FRAS1: variants seen among roughly 807,000 people sequenced by gnomAD.
FRAS1 encodes the protein Fraser extracellular matrix complex subunit 1, also known as extracellular matrix organizing protein FRAS1.
In FRAS1, 290 loss-of-function variants were observed where a neutral mutation model predicts 435.2. The observed-to-expected ratio is 0.67, with a 90% CI of 0.61 to 0.73. The LOEUF (loss-of-function observed/expected upper bound fraction) is 0.73, where lower values mean the gene tolerates loss of function less well. FRAS1 is among the 30% of genes least tolerant of loss of function. The probability of loss-of-function intolerance (pLI) is 0.00; values close to 1 mark genes in which losing one functional copy is unlikely to be tolerated. For synonymous variants in FRAS1, 1,800 were observed against 1,851.0 expected (o/e 0.97, Z 0.71); for missense variants, 4,860 against 5,001.5 (o/e 0.97, Z 0.85).
At chr4:78,112,846 C>CTT (rs888970913) in intron 2 of FRAS1, among the ~76,000 whole-genome samples, 4 of 151,090 alleles carry the variant, frequency 2.6e-5, no homozygotes, top group African/African-American at 9.7e-5. Flanking sequence ...TTTTATTATA[C>CTT]TTTAAGTTTT....
At chr4:78,438,495 A>C (rs1191790702) in intron 38 of FRAS1, 75 bp from the exon 39 acceptor site, 1 of 1,444,854 alleles carries the variant, frequency 6.9e-7, no homozygotes, top group South Asian at 1.2e-5. Context: ...AGAAGCACCC[A>C]TAGATCTTTA....
At chr4:78,307,321 G>T (rs1344500621) in intron 14 of FRAS1, among the ~76,000 whole-genome samples, 1 of 152,250 alleles carries the variant, frequency 6.6e-6, no homozygotes, top group Admixed American at 6.5e-5. Context: ...TCTTTTGTTT[G>T]TCTGTGCCCT....
In FRAS1 at chr4:78,534,662, A is replaced by G. The variant is rs1373812651; in HGVS notation, c.11092+47A>G. The G allele has an allele frequency of 1.9e-6, 3 of 1,582,922 alleles. No individual in the cohort carries two copies. The South Asian group carries it at 3.4e-5, about 18-fold the overall frequency. On this transcript the variant is annotated intron_variant, in intron 71 of 73. Transcript: ENST00000512123. The stretch of plus-strand genomic sequence containing the variant: ...CAGAAAGAGGCTCTGCCTGGATATG[A>G]GAAGCTTTTGCTAAGTCACCGGACT...
chr4:78,093,177 C>T (rs1741619878), intron 2 of FRAS1, among the ~76,000 whole-genome samples: 1 of 152,168 alleles, frequency 6.6e-6, no homozygotes, highest in Non-Finnish European at 1.5e-5. Flanking sequence ...GAGCCACTTT[C>T]AAACCAGAAC....
chr4:78,441,074 C>A, intron 40 of FRAS1, 88 bp from the exon 41 acceptor site: 1 of 1,355,594 alleles, frequency 7.4e-7, no homozygotes, highest in Non-Finnish European at 1.0e-6. Flanking sequence ...GCTAGAAGGT[C>A]ACCCAGGCAG....
chr4:78,332,344 T>C lies in FRAS1; in HGVS notation c.2138-928T>C, dbSNP rs563761286. Among the ~76,000 whole-genome samples, 3 of 152,142 alleles carry C rather than the reference T, an allele frequency of 2.0e-5. No homozygotes were observed. The East Asian group carries it at 5.8e-4, about 29-fold the overall frequency. Reference sequence around the variant, plus strand: ...GTCAAAGAATCAAAAATATAGAAAATAAAAAGGCATGATTAAGACAATGGC... The same window carrying C: ...GTCAAAGAATCAAAAATATAGAAAACAAAAAGGCATGATTAAGACAATGGC... On this transcript the variant is annotated intron_variant, in intron 18 of 73. Transcript: ENST00000512123.
At chr4:78,387,949 G>C (rs1436826697) in intron 29 of FRAS1, among the ~76,000 whole-genome samples, 1 of 152,138 alleles carries the variant, frequency 6.6e-6, no homozygotes, top group Non-Finnish European at 1.5e-5. Flanking sequence ...ATAAGAACGT[G>C]TTATTATCCA....
chr4:78,363,336 C>T (rs1731149100), intron 20 of FRAS1, among the ~76,000 whole-genome samples, 177 bp from the exon 21 acceptor site: 1 of 152,214 alleles, frequency 6.6e-6, no homozygotes, highest in South Asian at 2.1e-4. Flanking sequence ...AAACCTCAAA[C>T]ACACAATTTG....
chr4:78,302,731 G>C (rs1191865247), intron 14 of FRAS1, among the ~76,000 whole-genome samples: 2 of 151,794 alleles, frequency 1.3e-5, no homozygotes, highest in East Asian at 1.9e-4. Flanking sequence ...AAATTTGTTT[G>C]AGTTCATTGT....
intron 2 of FRAS1, among the ~76,000 whole-genome samples, chr4:78,153,526 T>C (rs995181344): frequency 1.3e-5 from 2 of 152,176 alleles, no homozygotes; most frequent in Non-Finnish European, 2.9e-5. Flanking sequence ...GACGGCTCTT[T>C]CCTCTGACTG....
At position 78,278,861 on chromosome 4, in the gene FRAS1, G is replaced by A. The variant is rs917400998; in HGVS notation, c.1071+117G>A. 14 of 674,854 alleles carry A rather than the reference G, an allele frequency of 2.1e-5. No homozygotes were observed. In the East Asian group the frequency reaches 3.9e-4, roughly 19 times the overall value. The allele number at this position is 674,854 out of a possible 1,614,324, so 41.8% of individuals were successfully genotyped here. ...TCATTTGTTCAACAAATGTTATTGT[G>A]CACCTACTGTACAACAGGCTCTGGG... On this transcript the variant is annotated intron_variant, in intron 10 of 73. Transcript: ENST00000512123.
intron 59 of FRAS1, among the ~76,000 whole-genome samples, chr4:78,494,408 G>C (rs1720452389): frequency 6.6e-6 from 1 of 152,126 alleles, no homozygotes; most frequent in Non-Finnish European, 1.5e-5. Flanking sequence ...TCTGCTTCTG[G>C]TGAGGGCTTC....
At chr4:78,421,088 G>A (rs555839995) in intron 33 of FRAS1, among the ~76,000 whole-genome samples, 2 of 151,622 alleles carry the variant, frequency 1.3e-5, no homozygotes, top group South Asian at 4.2e-4. Flanking sequence ...GAAAGATGTA[G>A]GCTAGGAGGC....
At chr4:78,140,685 A>G (rs1041298129) in intron 2 of FRAS1, among the ~76,000 whole-genome samples, 12 of 139,230 alleles carry the variant, frequency 8.6e-5, no homozygotes, top group Admixed American at 5.5e-4. Flanking sequence ...ATGTATATGC[A>G]TATACATATG....
At chr4:78,105,714 T>C (rs577300872) in intron 2 of FRAS1, among the ~76,000 whole-genome samples, 2 of 152,074 alleles carry the variant, frequency 1.3e-5, no homozygotes, top group Admixed American at 1.3e-4. Flanking sequence ...TCTCAGTGAA[T>C]AAATTGTGAA....
Position 78,515,955 on chromosome 4 carries a change from A to G in FRAS1, c.10331A>G (p.Tyr3444Cys). Residue 3444 changes from tyrosine (Y) to cysteine (C), a missense_variant, in exon 66 of 74, where the codon TAT becomes TGT. By Grantham distance (194) the Tyr-to-Cys change is radical (BLOSUM62 -2). Transcript: ENST00000512123. ...AGCTGCGTGTGGACCTTTGATGCTT[A>G]TTATGACATGACTGAGCTGATTGAC... is the stretch of plus-strand genomic sequence containing the variant. ...LKSCVWTFDA[Y>C]YDMTELIDVC... is the part of the protein sequence containing the mutation. The G allele has an allele frequency of 1.2e-6, 2 of 1,614,004 alleles. No individual in the cohort carries two copies. Among genetic ancestry groups the G allele is most frequent in the Non-Finnish European group, 1.7e-6 (2 of 1,179,886 alleles).
intron 2 of FRAS1, among the ~76,000 whole-genome samples, chr4:78,236,308 A>ATTTG (rs1553932843): frequency 1.3e-5 from 2 of 151,028 alleles, no homozygotes; most frequent in Non-Finnish European, 2.9e-5. Flanking sequence ...TTATTTATTT[A>ATTTG]TTTTTTGGCT....
chr4:78,487,141 C>T (rs1578353251), intron 58 of FRAS1, among the ~76,000 whole-genome samples: 2 of 152,312 alleles, frequency 1.3e-5, no homozygotes, highest in South Asian at 4.1e-4. Flanking sequence ...TTGCCATCCA[C>T]CTTTTAGCAG....
At chr4:78,126,151 C>T (rs1442930393) in intron 2 of FRAS1, among the ~76,000 whole-genome samples, 1 of 152,192 alleles carries the variant, frequency 6.6e-6, no homozygotes, top group Non-Finnish European at 1.5e-5. Context: ...CCAGGTTGAT[C>T]TCAGACTGCT....
Sources: allele counts gnomAD v4.1 joint callset (sites outside exome capture counted in the v4.1 genomes callset), GRCh38; gene constraint gnomAD v4.1.1; transcripts MANE v1.5; gene names NCBI Gene and HGNC (gene_info 2026-07-23, HGNC 2026-07-21).